The following PDE4D variants were observed in gnomAD, a reference collection of about 807,000 sequenced individuals.
The protein encoded by PDE4D is 3',5'-cyclic-AMP phosphodiesterase 4D.
A neutral mutation model predicts 87.4 loss-of-function variants in PDE4D; 24 were observed. The ratio of observed to expected loss-of-function variants is 0.27; its 90% CI spans 0.20 to 0.39. The LOEUF is 0.39. Ranked by LOEUF, PDE4D falls within the 10% of genes least tolerant of loss-of-function variation. PDE4D has a pLI of 1.00. For missense variants in PDE4D, 714 were observed against 1,041.0 expected (o/e 0.69, Z 4.32); for synonymous variants, 384 against 383.2 (o/e 1.00, Z -0.02).
At chr5:60,418,614 A>G (rs1742826176) in intron 1 of PDE4D, among the ~76,000 whole-genome samples, 1 of 151,874 alleles carries the variant, frequency 6.6e-6, no homozygotes, top group Admixed American at 6.6e-5. Flanking sequence ...GGTACATAGT[A>G]GGTATAATAT....
In PDE4D at chr5:58,981,490, AG is replaced by A. The variant is rs1374186325; in HGVS notation, c.1553-4146del. On this transcript the variant is annotated intron_variant, in intron 11 of 14. Coordinates refer to ENST00000340635, the MANE Select transcript of PDE4D (RefSeq NM_001104631.2). ...TATGTTATATAAGGGAATAAGAAAA[AG>A]AAAATGAAGATAAGTTAATACCTCT... Among the ~76,000 whole-genome samples the A allele has an allele frequency of 3.7e-4, 54 of 144,198 alleles. 1 individual carries two copies. Among genetic ancestry groups the A allele is most frequent in the Non-Finnish European group, 7.3e-4 (49 of 66,690 alleles). 94.6% of individuals were successfully genotyped at this position (144,198 alleles called of 152,430 possible).
intron 1 of PDE4D, among the ~76,000 whole-genome samples, chr5:59,706,446 A>G (rs536323262): frequency 1.8e-4 from 27 of 152,322 alleles, no homozygotes; most frequent in African/African-American, 6.3e-4. Flanking sequence ...GGGTAATTAA[A>G]TGCTAGGATA....
At chr5:59,559,348 C>G (rs1583118704) in intron 1 of PDE4D, among the ~76,000 whole-genome samples, 1 of 152,162 alleles carries the variant, frequency 6.6e-6, no homozygotes, top group Non-Finnish European at 1.5e-5. Context: ...TCACATGAGC[C>G]ATGTTATGAT....
intron 2 of PDE4D, among the ~76,000 whole-genome samples, chr5:59,200,112 C>CACATACATGCATGTAG (rs1746666893): frequency 2.0e-5 from 3 of 147,268 alleles, no homozygotes; most frequent in African/African-American, 7.8e-5. Flanking sequence ...TGTATGCACA[C>CACATACATGCATGTAG]ACATACATGC....
rs959414067 is a variant in PDE4D at position 60,046,904 on chromosome 5, C to T, written c.43-58187G>A. On this transcript the variant is annotated intron_variant, in intron 2 of 16. Transcript: ENST00000502484. ...CATCAAATGAGTTAGGGAGGATTCCCTCTTTTTCTATTGATTGGAATAGTT... is the reference window on the plus strand; with the variant it reads ...CATCAAATGAGTTAGGGAGGATTCCTTCTTTTTCTATTGATTGGAATAGTT... 7.5e-3 allele frequency among the ~76,000 whole-genome samples: 1,145 copies of T among 152,280 alleles called. 12 individuals are homozygous for T. The highest frequency in any genetic ancestry group is 0.026 in the African/African-American group (1,088 of 41,560).
chr5:59,858,766 C>G (rs188701258), intron 1 of PDE4D, among the ~76,000 whole-genome samples: 1 of 152,152 alleles, frequency 6.6e-6, no homozygotes, highest in East Asian at 1.9e-4. Flanking sequence ...TTTCCTTTTG[C>G]CTTCATGGTG....
chr5:59,219,966 T>C (rs952117619), intron 1 of PDE4D, among the ~76,000 whole-genome samples: 16 of 152,080 alleles, frequency 1.1e-4, no homozygotes, highest in South Asian at 2.1e-4. Flanking sequence ...ATTTAGTGTC[T>C]GGCTAAATTT....
chr5:59,315,349 C>G (rs1773502809), intron 1 of PDE4D, among the ~76,000 whole-genome samples: 1 of 152,106 alleles, frequency 6.6e-6, no homozygotes, highest in South Asian at 2.1e-4. Flanking sequence ...TCTGTTCTGA[C>G]AATTAGCAAG....
At chr5:60,467,678 T>C (rs556826520) in intron 1 of PDE4D, among the ~76,000 whole-genome samples, 1 of 152,166 alleles carries the variant, frequency 6.6e-6, no homozygotes, top group Non-Finnish European at 1.5e-5. Flanking sequence ...GACTGGGTAA[T>C]TTATGAAGAA....
chr5:59,949,387 C>T (rs913221666), intron 3 of PDE4D, among the ~76,000 whole-genome samples: 9 of 145,040 alleles, frequency 6.2e-5, no homozygotes, highest in Non-Finnish European at 1.2e-4. Flanking sequence ...AAGCCGAGAT[C>T]GTGCCACCGC....
chr5:59,977,275 A>C (rs1240677219), intron 3 of PDE4D, among the ~76,000 whole-genome samples: 1 of 152,238 alleles, frequency 6.6e-6, no homozygotes, highest in Non-Finnish European at 1.5e-5. Flanking sequence ...CACAGAAATG[A>C]CAAGAAAGCC....
At chr5:60,253,949 C>A (rs1209149063) in intron 1 of PDE4D, among the ~76,000 whole-genome samples, 2 of 151,820 alleles carry the variant, frequency 1.3e-5, no homozygotes, top group East Asian at 3.9e-4. Context: ...CTCAACAAAG[C>A]CATCAACATA....
intron 1 of PDE4D, among the ~76,000 whole-genome samples, chr5:59,726,442 A>G (rs1056497069): frequency 6.6e-6 from 1 of 152,008 alleles, no homozygotes; most frequent in African/African-American, 2.4e-5. Flanking sequence ...GCCTGCAATG[A>G]TGGGATTGGT....
intron 2 of PDE4D, among the ~76,000 whole-genome samples, chr5:60,001,196 C>G (rs1375445441): frequency 6.6e-6 from 1 of 152,118 alleles, no homozygotes; most frequent in Non-Finnish European, 1.5e-5. Context: ...GGAACCACGC[C>G]TATCTGCATA....
At chr5:60,040,201 T>C (rs1375450093) in intron 2 of PDE4D, among the ~76,000 whole-genome samples, 1 of 152,194 alleles carries the variant, frequency 6.6e-6, no homozygotes, top group East Asian at 1.9e-4. Flanking sequence ...GTTTTTCTAA[T>C]ATGAAGGTTT....
chr5:59,442,176 G>A (rs979923388), intron 1 of PDE4D, among the ~76,000 whole-genome samples: 1 of 152,180 alleles, frequency 6.6e-6, no homozygotes, highest in Admixed American at 6.5e-5. Flanking sequence ...AAGGCTTTGT[G>A]AGAGAGAAGT....
At chr5:58,995,814 GT>G (rs1185913599) in intron 6 of PDE4D, among the ~76,000 whole-genome samples, 1 of 152,168 alleles carries the variant, frequency 6.6e-6, no homozygotes, top group Non-Finnish European at 1.5e-5. Context: ...CCATAGCTAT[GT>G]CTCAAAAGCA....
rs1029263507 is a variant in PDE4D at position 59,361,062 on chromosome 5, T to G, written c.456-145094A>C. Among the ~76,000 whole-genome samples the G allele has an allele frequency of 2.7e-5, 4 of 149,950 alleles. No homozygotes were observed. The East Asian group carries it at 7.8e-4, about 29-fold the overall frequency. On this transcript the variant is annotated intron_variant, in intron 1 of 14. Transcript: ENST00000340635. ...TTAAGGTTTCCATCTACATTAATTT[T>G]AGGATTTTTTTTAGCAATTTGGAAA...
At chr5:59,012,059 TCACAGGTGAAGGAGAAATA>T (rs1752922180) in intron 6 of PDE4D, among the ~76,000 whole-genome samples, 1 of 152,148 alleles carries the variant, frequency 6.6e-6, no homozygotes, top group African/African-American at 2.4e-5. Flanking sequence ...AAACTAAGCT[TCACAGGTGAAGGAGAAATA>T]AAATCCTTTA....
Sources: gnomAD v4.1 joint callset for allele counts (sites outside exome capture counted in the v4.1 genomes callset) on GRCh38, gnomAD v4.1.1 for gene constraint, MANE v1.5 for transcripts, NCBI Gene and HGNC (gene_info 2026-07-23, HGNC 2026-07-21) for gene names.